The following KLHDC4 variants were observed in gnomAD, a reference collection of about 807,000 sequenced individuals.
The protein encoded by KLHDC4 is kelch domain containing 4, also known as kelch domain-containing protein 4.
A neutral mutation model predicts 62.4 loss-of-function variants in KLHDC4; 90 were observed. That is an observed-to-expected ratio of 1.44 (90% CI 1.22 to 1.72). The LOEUF is 1.72. Ranked by LOEUF, KLHDC4 falls within the 40% of genes most tolerant of loss-of-function variation. KLHDC4 has a pLI of 0.00. For synonymous variants in KLHDC4, 386 were observed against 284.4 expected, an observed-to-expected ratio of 1.36 and a Z score of -3.59; for missense variants, 1,025 against 699.7, an observed-to-expected ratio of 1.47 and a Z score of -5.25.
downstream of KLHDC4, chr16:87,703,413 G>T (rs1023370262): frequency 6.6e-6 from 1 of 152,546 alleles, no homozygotes; most frequent in African/African-American, 2.4e-5. Context: ...AGGCAGCGTG[G>T]GCACAGGGTT....
intron 4 of KLHDC4, chr16:87,750,215 C>G (rs1462339862): frequency 6.6e-6 from 1 of 152,194 alleles, no homozygotes; most frequent in Admixed American, 6.5e-5. Flanking sequence ...CCACCAAGCT[C>G]CACGGGGTCT....
At chr16:87,714,447 C>G in intron 8 of KLHDC4, 51 bp downstream of exon 8, 1 of 1,606,078 alleles carries the variant, frequency 6.2e-7, no homozygotes, top group Non-Finnish European at 8.5e-7. Context: ...GCTCTGCCTC[C>G]CGCCACACAC....
chr16:87,755,169 G>A (rs1415456113), intron 4 of KLHDC4, 25 bp downstream of exon 4: 6 of 1,495,122 alleles, frequency 4.0e-6, no homozygotes, highest in South Asian at 2.3e-5. Flanking sequence ...GAGGGAGGGT[G>A]GCTGAGAGTC....
chr16:87,740,536 G>A (rs1328896949), intron 5 of KLHDC4: 1 of 152,204 alleles, frequency 6.6e-6, no homozygotes, highest in Non-Finnish European at 1.5e-5. Flanking sequence ...ACCTTCCTGG[G>A]AGCTGCCTGC....
chr16:87,751,883 C>T (rs1404065912), intron 4 of KLHDC4, among the ~76,000 whole-genome samples: 1 of 149,398 alleles, frequency 6.7e-6, no homozygotes, highest in African/African-American at 2.5e-5. Context: ...ACCATCCTGG[C>T]TAACATGGTG....
At chr16:87,729,966 T>G (rs2040050048) in intron 6 of KLHDC4, among the ~76,000 whole-genome samples, 1 of 152,322 alleles carries the variant, frequency 6.6e-6, no homozygotes, top group East Asian at 1.9e-4. Flanking sequence ...TATTTATTTA[T>G]TTTTTCAAAC....
intron 5 of KLHDC4, among the ~76,000 whole-genome samples, chr16:87,734,968 ACGCCCC>A (rs2041039444): frequency 2.5e-5 from 1 of 39,976 alleles, no homozygotes; most frequent in Non-Finnish European, 5.5e-5. Context: ...GAATTGCCTG[ACGCCCC>A]TCCCCCTCCT....
chr16:87,756,402 T>C lies in KLHDC4; in HGVS notation c.267A>G (p.Gln89=). ...ILFGGEYFNG[Q]KTFLYNELYV... ...AAGAAAAAAATATATACTTTACTTT[T>C]TGGCCGTTGAAATATTCACCTCCAA... The change falls in exon 3 of 12, where the codon CAA becomes CAG. Residue 89 remains glutamine, a synonymous_variant. Coordinates refer to ENST00000270583, the MANE Select transcript of KLHDC4 (RefSeq NM_017566.4). 6.2e-7 allele frequency: 1 copy of C among 1,609,468 alleles called. No homozygotes were observed. The highest frequency in any genetic ancestry group is 8.5e-7 in the Non-Finnish European group (1 of 1,175,758).
At position 87,711,338 on chromosome 16, in the gene KLHDC4, C is replaced by T. The variant is rs1285441729; in HGVS notation, c.941G>A (p.Gly314Asp). 1 of 1,614,042 alleles carries T rather than the reference C, an allele frequency of 6.2e-7. No homozygotes were observed. Among genetic ancestry groups the T allele is most frequent in the Non-Finnish European group, 8.5e-7 (1 of 1,180,030 alleles). Residue 314 changes from glycine (G) to aspartate (D), a missense_variant, in exon 9 of 12, where the codon GGT (glycine) becomes GAT (aspartate). Transcript: ENST00000270583. ...APNHQTLFFG[G>D]VCDEEEEESL... ...CTCCTCCTCTTCCTCGTCACAGACA[C>T]CCCCGAAGAACAGTGTCTGGTGATT... is the stretch of plus-strand genomic sequence containing the variant.
chr16:87,726,789 G>T lies in KLHDC4; in HGVS notation c.735C>A (p.Val245=), dbSNP rs756741998. Reference sequence around the variant, plus strand: ...CCTGTTTCGAGTAGCCCCCATAGACGACGATGCCGCCCTGGGGAGTGACGG... The same window carrying T: ...CCTGTTTCGAGTAGCCCCCATAGACTACGATGCCGCCCTGGGGAGTGACGG... ...QMSVTPQGGI[V]VYGGYSKQRV... is the part of the protein sequence containing the mutation. Residue 245 remains valine (V), a synonymous_variant, in exon 7 of 12, where the codon GTC becomes GTA. Coordinates refer to ENST00000270583, the MANE Select transcript of KLHDC4 (RefSeq NM_017566.4). 7 of 1,582,426 alleles carry T rather than the reference G, an allele frequency of 4.4e-6. No individual in the cohort carries two copies. The highest frequency in any genetic ancestry group is 6.0e-6 in the Non-Finnish European group (7 of 1,165,890).
At chr16:87,704,992 G>C (rs1270040990), downstream of KLHDC4, among the ~76,000 whole-genome samples, 4 of 152,248 alleles carry the variant, frequency 2.6e-5, no homozygotes, top group African/African-American at 9.6e-5. Flanking sequence ...GCGAGGAGGA[G>C]CTGTGGCCCT....
chr16:87,735,143 C>G (rs2041085296), intron 5 of KLHDC4, among the ~76,000 whole-genome samples: 1 of 151,128 alleles, frequency 6.6e-6, no homozygotes, highest in African/African-American at 2.4e-5. Context: ...ACTAAAAATA[C>G]AAAAAAATTA....
At chr16:87,750,034 C>T (rs925786075) in intron 4 of KLHDC4, among the ~76,000 whole-genome samples, 1 of 152,214 alleles carries the variant, frequency 6.6e-6, no homozygotes, top group Non-Finnish European at 1.5e-5. Context: ...ACAACGGCAT[C>T]CCTGACGGGT....
At chr16:87,748,650 C>T (rs757947665) in intron 5 of KLHDC4, 23 bp downstream of exon 5, 1 of 1,613,538 alleles carries the variant, frequency 6.2e-7, no homozygotes, top group Non-Finnish European at 8.5e-7. Flanking sequence ...GCCCGGAGCT[C>T]AGCTTCTCAT....
chr16:87,736,442 TGA>T (rs559686085), intron 5 of KLHDC4, among the ~76,000 whole-genome samples: 1 of 152,178 alleles, frequency 6.6e-6, no homozygotes, highest in Non-Finnish European at 1.5e-5. Context: ...GCCGGATCCC[TGA>T]GAGTCTAGTG....
Position 87,726,750 on chromosome 16 carries a change from C to A in KLHDC4, c.759+15G>T. 2 of 1,526,564 alleles carry A rather than the reference C, an allele frequency of 1.3e-6. No homozygotes were observed. The highest frequency in any genetic ancestry group is 2.5e-5 in the East Asian group (1 of 40,316). 94.6% of individuals were successfully genotyped at this position (1,526,564 alleles called of 1,614,324 possible). A position where few individuals can be genotyped will look rare whatever the true frequency, so the allele number is the denominator to read the frequency against. ...CGGTCCCACGCCTTGCCTGTTTCCCCACCCCCCGCCTTACCTGTTTCGAGT... is the reference window on the plus strand; with the variant it reads ...CGGTCCCACGCCTTGCCTGTTTCCCAACCCCCCGCCTTACCTGTTTCGAGT... On this transcript the variant is annotated intron_variant, in intron 7 of 11. Transcript: ENST00000270583.
chr16:87,751,916 A>T (rs529165237), intron 4 of KLHDC4, among the ~76,000 whole-genome samples: 359 of 151,760 alleles, frequency 2.4e-3, no homozygotes, highest in South Asian at 6.5e-3. Flanking sequence ...TACTAAAAAT[A>T]CTAAAAAAAT....
intron 5 of KLHDC4, among the ~76,000 whole-genome samples, chr16:87,736,345 A>G (rs1984980): frequency 0.2 from 29,920 of 152,148 alleles, 3,143 homozygotes; most frequent in African/African-American, 0.28. Context: ...GTCCGTCGTG[A>G]ACAGAAACAT....
intron 5 of KLHDC4, among the ~76,000 whole-genome samples, chr16:87,733,965 T>C (rs997426758): frequency 2.6e-5 from 4 of 152,374 alleles, no homozygotes; most frequent in Admixed American, 2.0e-4. Flanking sequence ...TCTTCCTCCA[T>C]TTATTTTTTG....
Sources: allele counts gnomAD v4.1 joint callset (sites outside exome capture counted in the v4.1 genomes callset), GRCh38; gene constraint gnomAD v4.1.1; transcripts MANE v1.5; gene names NCBI Gene and HGNC (gene_info 2026-07-23, HGNC 2026-07-21).